GRID2IP: variants seen among roughly 807,000 people sequenced by gnomAD.
The protein encoded by GRID2IP is delphilin.
In GRID2IP, 78 loss-of-function variants were observed where a neutral mutation model predicts 114.3. The ratio of observed to expected loss-of-function variants is 0.68; its 90% confidence interval spans 0.57 to 0.82. The LOEUF (loss-of-function observed/expected upper bound fraction) is 0.82. GRID2IP is among the 40% of genes least tolerant of loss of function. GRID2IP has a pLI of 0.00. For missense variants in GRID2IP, 1,727 were observed against 1,678.5 expected, an observed-to-expected ratio of 1.03 and a Z score of -0.51; for synonymous variants, 809 against 724.0, an observed-to-expected ratio of 1.12 and a Z score of -1.89.
Position 6,526,295 on chromosome 7 carries a change from T to C in GRID2IP, c.848A>G (p.Tyr283Cys), listed in dbSNP as rs1188154666. The change falls in exon 4 of 22, where the codon TAC becomes TGC. Residue 283 changes from tyrosine to cysteine, a missense_variant. Transcript: ENST00000457091. This position sits in a 1 kb window ranked among gnomAD's most constrained non-coding sequence, Gnocchi z 7.6. ...GAAGCCGAAGCTCTTGTTGCCTTTG[T>C]AGACTCGGACAGTCCTGGGGGAAAA... ...PGGARRTVRVYKGNKSFGFTL... is the reference protein window; with the variant it reads ...PGGARRTVRVCKGNKSFGFTL... The C allele has an allele frequency of 3.9e-6, 6 of 1,551,842 alleles. No homozygotes were observed. The South Asian group carries it at 5.9e-5, about 15-fold the overall frequency.
intron 20 of GRID2IP, among the ~76,000 whole-genome samples, chr7:6,499,163 G>A (rs1045304626): frequency 1.3e-5 from 2 of 152,152 alleles, no homozygotes; most frequent in Non-Finnish European, 2.9e-5. Flanking sequence ...ACAAATTAAA[G>A]CACACAGGAC....
At position 6,508,944 on chromosome 7, in the gene GRID2IP, G is replaced by A. The variant is rs979047914; in HGVS notation, c.2127+14C>T. The stretch of plus-strand genomic sequence containing the variant: ...GCCTCACCCGCCTCCCTCCACACCT[G>A]CTTGCGTGCCCACCTCCTCGTAGTC... On this transcript the variant is annotated intron_variant, in intron 12 of 21. Transcript: ENST00000457091. This position sits in a 1 kb window ranked among gnomAD's most constrained non-coding sequence, Gnocchi z 5.6. The A allele has an allele frequency of 2.6e-6, 4 of 1,542,494 alleles. No homozygotes were observed. The highest frequency in any genetic ancestry group is 2.0e-5 in the Admixed American group (1 of 50,664).
Position 6,536,797 on chromosome 7 carries a change from G to A in GRID2IP, c.584+2921C>T. 1 of 702,174 alleles carries A rather than the reference G, an allele frequency of 1.4e-6. No homozygotes were observed. Among genetic ancestry groups the A allele is most frequent in the Non-Finnish European group, 2.6e-6 (1 of 384,508 alleles). The allele number at this position is 702,174 out of a possible 1,614,324, so 43.5% of individuals were successfully genotyped here. On this transcript the variant is annotated intron_variant, in intron 2 of 21. Coordinates refer to ENST00000457091, the MANE Select transcript of GRID2IP (RefSeq NM_001145118.2). The surrounding 1 kb of genome is among the most constrained non-coding windows in gnomAD (Gnocchi z 5.3). ...CTTTTTTCCTTTTTTCCCCTCTTCT[G>A]ATTCTCCTAGCAAGGGGCTCACCCC...
chr7:6,510,822 C>A, intron 9 of GRID2IP, 86 bp downstream of exon 9: 1 of 1,481,056 alleles, frequency 6.8e-7, no homozygotes. Flanking sequence ...TAGCCCCATT[C>A]CCTGGGATTC....
At chr7:6,501,348 C>T (rs966699091) in intron 20 of GRID2IP, among the ~76,000 whole-genome samples, 1 of 151,918 alleles carries the variant, frequency 6.6e-6, no homozygotes, top group Non-Finnish European at 1.5e-5. Context: ...AAGGCTCTGT[C>T]TCAAAAAATA....
intron 8 of GRID2IP, among the ~76,000 whole-genome samples, chr7:6,513,519 C>G (rs552208764): frequency 6.6e-6 from 1 of 152,252 alleles, no homozygotes; most frequent in Admixed American, 6.5e-5. Context: ...CACGTCCAGC[C>G]TTACACGAGT....
At position 6,508,187 on chromosome 7, in the gene GRID2IP, G is replaced by A; in HGVS notation, c.2342C>T (p.Ala781Val). The A allele has an allele frequency of 6.6e-7, 1 of 1,512,782 alleles. No individual in the cohort carries two copies. The highest frequency in any genetic ancestry group is 8.8e-7 in the Non-Finnish European group (1 of 1,130,194). 93.7% of individuals were successfully genotyped at this position (1,512,782 alleles called of 1,614,324 possible). Residue 781 changes from alanine to valine, a missense_variant, in exon 13 of 22, where the codon GCT becomes GTT. Coordinates refer to ENST00000457091, the MANE Select transcript of GRID2IP (RefSeq NM_001145118.2). The surrounding 1 kb of genome is among the most constrained non-coding windows in gnomAD (Gnocchi z 5.6). ...SRSSDGSRGPAQALAKPLTQL... is the reference protein window; with the variant it reads ...SRSSDGSRGPVQALAKPLTQL... ...GGTGAGGGGCTTGGCCAGCGCCTGA[G>A]CAGGGCCCCGGGAACCATCAGAGCT...
chr7:6,534,437 G>C lies in GRID2IP; in HGVS notation c.584+5281C>G, dbSNP rs1779689618. Among the ~76,000 whole-genome samples, 2 of 152,228 alleles carry C rather than the reference G, an allele frequency of 1.3e-5. No homozygotes were observed. On this transcript the variant is annotated intron_variant, in intron 2 of 21. Coordinates refer to ENST00000457091, the MANE Select transcript of GRID2IP (RefSeq NM_001145118.2). The surrounding 1 kb of genome is among the most constrained non-coding windows in gnomAD (Gnocchi z 4.5). ...TTCATCAGACCGGGGTCCCTTTGGGGAGAGACCCAAATTAGCCTCCCAGTC... is the reference window on the plus strand; with the variant it reads ...TTCATCAGACCGGGGTCCCTTTGGGCAGAGACCCAAATTAGCCTCCCAGTC...
At position 6,548,565 on chromosome 7, in the gene GRID2IP, C is replaced by A. The variant is rs553969928; in HGVS notation, c.429+2443G>T. ...TAATGTAAAAAAAGTTGGCCAGATG[C>A]GGTGGCTCACGCCTGTAATCCCAGC... On this transcript the variant is annotated intron_variant, in intron 1 of 21. Coordinates refer to ENST00000457091, the MANE Select transcript of GRID2IP (RefSeq NM_001145118.2). Among the ~76,000 whole-genome samples, 3 of 151,808 alleles carry A rather than the reference C, an allele frequency of 2.0e-5. No homozygotes were observed. In the East Asian group the frequency reaches 5.8e-4, roughly 30 times the overall value.
In GRID2IP at chr7:6,523,041, T is replaced by C. The variant is rs987466658; in HGVS notation, c.920-1084A>G. 2.6e-5 allele frequency among the ~76,000 whole-genome samples: 4 copies of C among 152,260 alleles called. No individual in the cohort carries two copies. The East Asian group carries it at 7.7e-4, about 29-fold the overall frequency. On this transcript the variant is annotated intron_variant, in intron 4 of 21. Transcript: ENST00000457091. The surrounding 1 kb of genome is among the most constrained non-coding windows in gnomAD (Gnocchi z 4.5). ...CTGGTCTCAAACTCCTGGCCTCAAA[T>C]GATCCTCCTGCCTCAGTCTCCCAAA...
chr7:6,548,093 T>C (rs1779913953), intron 1 of GRID2IP, among the ~76,000 whole-genome samples: 1 of 152,188 alleles, frequency 6.6e-6, no homozygotes, highest in South Asian at 2.1e-4. Context: ...AGCTCACACC[T>C]GTAATTCCAG....
In GRID2IP at chr7:6,502,813, C is replaced by T. The variant is rs1248616431; in HGVS notation, c.3123G>A (p.Thr1041=). The T allele has an allele frequency of 6.4e-6, 10 of 1,551,816 alleles. No homozygotes were observed. The highest frequency in any genetic ancestry group is 1.7e-4 in the Middle Eastern group (1 of 6,014). The change falls in exon 18 of 22, where the codon ACG becomes ACA. Residue 1041 remains threonine, a synonymous_variant. Coordinates refer to ENST00000457091, the MANE Select transcript of GRID2IP (RefSeq NM_001145118.2). ...NDGQPKTNKT[T]GFKINFLTEL... ...CTGTCAGAAAGTTGATCTTGAAGCC[C>T]GTAGTCTTGTTGGTTTTGGGCTGTC...
rs1406914630 is a variant in GRID2IP, at chr7:6,526,706, G to C, written c.648C>G (p.Gly216=). The C allele has an allele frequency of 6.6e-7, 1 of 1,510,506 alleles. No individual in the cohort carries two copies. The highest frequency in any genetic ancestry group is 1.5e-5 in the African/African-American group (1 of 68,818). 93.6% of individuals were successfully genotyped at this position (1,510,506 alleles called of 1,614,324 possible). ...FDEVVSQGLL[G]KLCRARRAQG... ...GGGCCCGGCGTGCGCGGCACAGCTT[G>C]CCCAGGAGGCCCTGAGACACCACCT... Residue 216 remains glycine, a synonymous_variant, in exon 3 of 22, where the codon GGC becomes GGG. Coordinates refer to ENST00000457091, the MANE Select transcript of GRID2IP (RefSeq NM_001145118.2). This position sits in a 1 kb window ranked among gnomAD's most constrained non-coding sequence, Gnocchi z 7.6.
intron 2 of GRID2IP, among the ~76,000 whole-genome samples, chr7:6,538,477 G>A (rs940303201): frequency 2.0e-5 from 3 of 151,848 alleles, no homozygotes; most frequent in African/African-American, 7.3e-5. Flanking sequence ...TGAGGTGGGT[G>A]AATCACTTGA....
intron 1 of GRID2IP, among the ~76,000 whole-genome samples, chr7:6,547,229 T>C (rs965665643): frequency 6.6e-6 from 1 of 152,162 alleles, no homozygotes; most frequent in Non-Finnish European, 1.5e-5. Context: ...TAAACTTCTG[T>C]AGTGCAAACG....
intron 1 of GRID2IP, among the ~76,000 whole-genome samples, chr7:6,542,506 A>T (rs1310804431): frequency 3.3e-5 from 5 of 151,986 alleles, no homozygotes; most frequent in Admixed American, 6.6e-5. Context: ...AATTTTTTTT[A>T]AATTAGCCAG....
At chr7:6,513,760 T>C (rs770158941) in intron 8 of GRID2IP, among the ~76,000 whole-genome samples, 2 of 152,188 alleles carry the variant, frequency 1.3e-5, no homozygotes, top group African/African-American at 4.8e-5. Flanking sequence ...GACACTTCTA[T>C]GTGGGAGGGG....
chr7:6,541,669 G>A (rs367764872), intron 1 of GRID2IP, among the ~76,000 whole-genome samples: 1 of 152,210 alleles, frequency 6.6e-6, no homozygotes, highest in Non-Finnish European at 1.5e-5. Context: ...AAATGCACAC[G>A]TTGGAAACGA....
At position 6,526,609 on chromosome 7, in the gene GRID2IP, T is replaced by G. The variant is rs1266303359; in HGVS notation, c.745A>C (p.Ser249Arg). 1.7e-6 allele frequency: 2 copies of G among 1,200,166 alleles called. No homozygotes were observed. Among genetic ancestry groups the G allele is most frequent in the African/African-American group, 1.6e-5 (1 of 62,570 alleles). The allele number at this position is 1,200,166 out of a possible 1,614,324, so 74.3% of individuals were successfully genotyped here. ...TCATCGGGGCGGCGCGGCGGGGCGC[T>G]GGCGCGCGTGGACACCAGGAGGCGC... ...PERLLVSTRA[S>R]APPRRPDEPP... The change falls in exon 3 of 22, where the codon AGC (serine) becomes CGC (arginine). Residue 249 changes from serine (S) to arginine (R), a missense_variant. Coordinates refer to ENST00000457091, the MANE Select transcript of GRID2IP (RefSeq NM_001145118.2). The surrounding 1 kb of genome is among the most constrained non-coding windows in gnomAD (Gnocchi z 7.6).
Sources: allele counts gnomAD v4.1 joint callset (sites outside exome capture counted in the v4.1 genomes callset), GRCh38; gene constraint gnomAD v4.1.1; non-coding constraint Gnocchi (gnomAD v3.1); transcripts MANE v1.5; gene names NCBI Gene and HGNC (gene_info 2026-07-23, HGNC 2026-07-21).